TMTC2: variants seen among roughly 807,000 people sequenced by gnomAD.
The protein encoded by TMTC2 is transmembrane O-mannosyltransferase targeting cadherins 2, also known as protein O-mannosyl-transferase TMTC2.
Under a neutral mutation model 82.4 loss-of-function variants are expected in TMTC2, and 43 were observed. That is an observed-to-expected ratio of 0.52 (90% CI 0.41 to 0.67). The LOEUF is 0.67. Ranked by LOEUF, TMTC2 falls within the 30% of genes least tolerant of loss-of-function variation. TMTC2 has a pLI of 0.00. For synonymous variants in TMTC2, 408 were observed against 381.9 expected, an observed-to-expected ratio of 1.07 and a Z score of -0.80; for missense variants, 919 against 1,012.4, an observed-to-expected ratio of 0.91 and a Z score of 1.25.
intron 1 of TMTC2, among the ~76,000 whole-genome samples, chr12:82,700,982 G>A (rs1181255136): frequency 6.6e-6 from 1 of 152,044 alleles, no homozygotes; most frequent in Non-Finnish European, 1.5e-5. Context: ...ATCAGATCTC[G>A]TGAGACTTTT....
chr12:82,785,883 C>T (rs1878156520), intron 1 of TMTC2, among the ~76,000 whole-genome samples: 1 of 152,084 alleles, frequency 6.6e-6, no homozygotes, highest in Non-Finnish European at 1.5e-5. Context: ...GTAAAAGGCA[C>T]TGGGTAGAAG....
chr12:82,953,395 A>G (rs185886928), intron 4 of TMTC2, among the ~76,000 whole-genome samples: 38 of 152,348 alleles, frequency 2.5e-4, no homozygotes, highest in Non-Finnish European at 4.9e-4. Flanking sequence ...AAGTGAATTT[A>G]AAAAGGATTT....
chr12:82,746,697 C>G (rs1270836751), intron 1 of TMTC2, among the ~76,000 whole-genome samples: 2 of 152,126 alleles, frequency 1.3e-5, no homozygotes, highest in Non-Finnish European at 2.9e-5. Context: ...TGGTGATTGT[C>G]CAAATGGGCA....
intron 2 of TMTC2, among the ~76,000 whole-genome samples, chr12:82,872,816 A>G (rs566685075): frequency 6.6e-6 from 1 of 152,278 alleles, no homozygotes; most frequent in South Asian, 2.1e-4. Context: ...CCCTTATTCA[A>G]TATCCAAAAC....
intron 7 of TMTC2, among the ~76,000 whole-genome samples, chr12:82,984,194 G>T (rs555183063): frequency 6.6e-6 from 1 of 151,952 alleles, no homozygotes; most frequent in African/African-American, 2.4e-5. Flanking sequence ...CTTCTTAAGT[G>T]CAGATATGTT....
chr12:83,021,335 C>A (rs941037047), intron 8 of TMTC2, among the ~76,000 whole-genome samples: 4 of 152,108 alleles, frequency 2.6e-5, no homozygotes, highest in African/African-American at 9.7e-5. Context: ...TCTATCACTC[C>A]ACTACATAGG....
At chr12:82,974,601 A>G (rs993246204) in intron 7 of TMTC2, among the ~76,000 whole-genome samples, 2 of 152,208 alleles carry the variant, frequency 1.3e-5, no homozygotes, top group Non-Finnish European at 2.9e-5. Flanking sequence ...CAGTCATCAT[A>G]AGGGTCATGG....
intron 6 of TMTC2, among the ~76,000 whole-genome samples, chr12:82,966,584 C>A (rs900263205): frequency 6.6e-6 from 1 of 152,070 alleles, no homozygotes; most frequent in African/African-American, 2.4e-5. Context: ...CTTTAGATGA[C>A]TAATGGGTAA....
At chr12:83,059,437 G>A (rs1012784047) in intron 10 of TMTC2, among the ~76,000 whole-genome samples, 4 of 151,670 alleles carry the variant, frequency 2.6e-5, no homozygotes, top group Non-Finnish European at 4.4e-5. Context: ...TTTCCCTACA[G>A]TTTTCCATGT....
At chr12:82,962,240 T>G (rs911236733) in intron 4 of TMTC2, among the ~76,000 whole-genome samples, 11 of 152,078 alleles carry the variant, frequency 7.2e-5, no homozygotes, top group African/African-American at 2.4e-4. Flanking sequence ...TCAATGATTT[T>G]GGGCTTTAGG....
At chr12:83,041,653 A>G (rs947464330) in intron 9 of TMTC2, among the ~76,000 whole-genome samples, 8 of 152,224 alleles carry the variant, frequency 5.3e-5, no homozygotes, top group African/African-American at 1.9e-4. Context: ...CATGTAAACA[A>G]AAAGATCAGA....
At chr12:82,860,020 C>A (rs867329293) in intron 2 of TMTC2, among the ~76,000 whole-genome samples, 3 of 152,254 alleles carry the variant, frequency 2.0e-5, no homozygotes, top group Middle Eastern at 6.8e-3. Flanking sequence ...GTCGCCTAGG[C>A]TGGAGTGCAG....
Position 82,959,443 on chromosome 12 carries a change from C to T in TMTC2, c.1599-5581C>T, listed in dbSNP as rs114722468. ...AAACTCTACTATAAGGCTGCCATAACCAAAACAGCATGGTACTGATACAAA... is the reference window on the plus strand; with the variant it reads ...AAACTCTACTATAAGGCTGCCATAATCAAAACAGCATGGTACTGATACAAA... On this transcript the variant is annotated intron_variant, in intron 4 of 11. Transcript: ENST00000321196. Among the ~76,000 whole-genome samples, 1,373 of 152,168 alleles carry T rather than the reference C, an allele frequency of 9.0e-3. 18 individuals are homozygous for T. Among genetic ancestry groups the T allele is most frequent in the African/African-American group, 0.032 (1,308 of 41,518 alleles).
chr12:82,753,071 A>G (rs1354700490), intron 1 of TMTC2, among the ~76,000 whole-genome samples: 1 of 152,134 alleles, frequency 6.6e-6, no homozygotes, highest in Non-Finnish European at 1.5e-5. Context: ...TAAGATAGAA[A>G]TATATACCCT....
chr12:82,689,779 A>G (rs1282240388), intron 1 of TMTC2, among the ~76,000 whole-genome samples: 1 of 152,198 alleles, frequency 6.6e-6, no homozygotes, highest in Admixed American at 6.5e-5. Context: ...CGTGACTTCT[A>G]TCTTGTAGCT....
chr12:82,714,310 A>G (rs188014637), intron 1 of TMTC2, among the ~76,000 whole-genome samples: 231 of 152,336 alleles, frequency 1.5e-3, no homozygotes, highest in Middle Eastern at 6.8e-3. Context: ...TATATGAAAA[A>G]TAAATATTTA....
intron 11 of TMTC2, among the ~76,000 whole-genome samples, chr12:83,062,139 G>A (rs1250880703): frequency 1.3e-5 from 2 of 151,634 alleles, no homozygotes; most frequent in Non-Finnish European, 3.0e-5. Flanking sequence ...TTTGTATTTG[G>A]ATAACTTTTA....
intron 7 of TMTC2, among the ~76,000 whole-genome samples, chr12:82,975,304 C>T (rs1033044550): frequency 3.3e-5 from 5 of 152,102 alleles, no homozygotes; most frequent in African/African-American, 1.2e-4. Context: ...AAATTGTTTT[C>T]TACATAAAAA....
intron 1 of TMTC2, among the ~76,000 whole-genome samples, chr12:82,700,762 T>C (rs902353690): frequency 1.3e-5 from 2 of 152,208 alleles, no homozygotes; most frequent in African/African-American, 4.8e-5. Flanking sequence ...ATATAGTATC[T>C]AGGAGTATGT....
Sources: allele counts gnomAD v4.1 joint callset (sites outside exome capture counted in the v4.1 genomes callset), GRCh38; gene constraint gnomAD v4.1.1; transcripts MANE v1.5; gene names NCBI Gene and HGNC (gene_info 2026-07-23, HGNC 2026-07-21).